NCAM1: variants seen among roughly 807,000 people sequenced by gnomAD.
The protein encoded by NCAM1 is antigen recognized by monoclonal antibody 5.1H11.
Under a neutral mutation model 109.8 loss-of-function variants are expected in NCAM1, and 14 were observed. The ratio of observed to expected loss-of-function variants is 0.13; its 90% confidence interval spans 0.08 to 0.20. The LOEUF (loss-of-function observed/expected upper bound fraction) is 0.20, where lower values mean the gene tolerates loss of function less well. NCAM1 is among the 10% of genes least tolerant of loss of function. The pLI, the probability that NCAM1 is intolerant of heterozygous loss-of-function variation, is 1.00. For missense variants in NCAM1, 774 were observed against 1,109.9 expected (o/e 0.70, Z 4.30); for synonymous variants, 418 against 442.9 (o/e 0.94, Z 0.70).
intron 15 of NCAM1, among the ~76,000 whole-genome samples, chr11:113,252,154 C>G (rs571060863): frequency 5.3e-5 from 8 of 152,310 alleles, no homozygotes; most frequent in South Asian, 4.1e-4. Context: ...GGGCTCACAC[C>G]TGTAATCCCA....
chr11:113,204,525 C>T (rs782220654), intron 3 of NCAM1, 21 bp downstream of exon 3: 18 of 1,609,190 alleles, frequency 1.1e-5, no homozygotes, highest in African/African-American at 2.7e-5. Context: ...CCTTCTTCTT[C>T]TGCATTCTCT....
In NCAM1 at chr11:112,961,431, G is replaced by C. The variant is rs1459042324; in HGVS notation, c.-182G>C. On this transcript the variant is annotated 5_prime_UTR_variant, in exon 1 of 20. Transcript: ENST00000316851. ...AGGCTGGGACTGTCACTCATTCTCCGATCAGCGCGTGAACGCAGCTCGGCT... is the reference window on the plus strand; with the variant it reads ...AGGCTGGGACTGTCACTCATTCTCCCATCAGCGCGTGAACGCAGCTCGGCT... 1.3e-6 allele frequency: 1 copy of C among 762,342 alleles called. No individual in the cohort carries two copies. Among genetic ancestry groups the C allele is most frequent in the African/African-American group, 1.7e-5 (1 of 58,824 alleles). The allele number at this position is 762,342 out of a possible 1,614,324, so 47.2% of individuals were successfully genotyped here. A position where few individuals can be genotyped will look rare whatever the true frequency, so the allele number is the denominator to read the frequency against.
At chr11:113,117,520 G>A (rs986330640) in intron 1 of NCAM1, among the ~76,000 whole-genome samples, 1 of 151,910 alleles carries the variant, frequency 6.6e-6, no homozygotes, top group African/African-American at 2.4e-5. Context: ...TGGCGTTTTT[G>A]CTTTAAACCT....
chr11:113,172,832 TCTGA>T (rs1565478624), intron 1 of NCAM1, among the ~76,000 whole-genome samples: 1 of 152,190 alleles, frequency 6.6e-6, no homozygotes, highest in Non-Finnish European at 1.5e-5. Context: ...CTTTTACAAG[TCTGA>T]CTGTTATAAA....
chr11:113,228,328 T>C (rs1591438151), intron 9 of NCAM1, among the ~76,000 whole-genome samples: 1 of 152,296 alleles, frequency 6.6e-6, no homozygotes, highest in East Asian at 1.9e-4. Flanking sequence ...GAACTCCCAT[T>C]CACAATTGCT....
Position 113,198,263 on chromosome 11 carries a change from G to A in NCAM1, c.53-4116G>A, listed in dbSNP as rs73570780. Among the ~76,000 whole-genome samples the A allele has an allele frequency of 7.0e-3, 1,065 of 152,124 alleles. 12 individuals are homozygous for A. Among genetic ancestry groups the A allele is most frequent in the African/African-American group, 0.024 (997 of 41,470 alleles). ...ATTATCATCACTTATGGCTCTGAGC[G>A]TCCCTTACCCATATGTAAAATAGAG... On this transcript the variant is annotated intron_variant, in intron 1 of 19. Transcript: ENST00000316851.
intron 15 of NCAM1, among the ~76,000 whole-genome samples, chr11:113,247,621 C>T (rs1945539325): frequency 6.6e-6 from 1 of 152,166 alleles, no homozygotes; most frequent in Admixed American, 6.5e-5. Context: ...CAGCCAGACT[C>T]CTGGACTTGC....
intron 1 of NCAM1, among the ~76,000 whole-genome samples, chr11:113,194,683 G>A (rs1018567454): frequency 1.3e-5 from 2 of 152,118 alleles, no homozygotes; most frequent in Non-Finnish European, 2.9e-5. Flanking sequence ...TCCGCCTTTT[G>A]TCTCAAATTC....
chr11:113,205,919 C>A (rs1944222780), intron 4 of NCAM1, 124 bp from the exon 5 acceptor site: 2 of 1,262,110 alleles, frequency 1.6e-6, no homozygotes, highest in African/African-American at 3.0e-5. Flanking sequence ...GACGCATTTT[C>A]TTATTTGGGC....
At chr11:113,204,143 C>T in intron 2 of NCAM1, 143 bp from the exon 3 acceptor site, 3 of 653,156 alleles carry the variant, frequency 4.6e-6, no homozygotes, top group Non-Finnish European at 7.9e-6. Context: ...GTCATTCCAG[C>T]AGCCATACTC....
At chr11:113,042,358 G>A (rs924981944) in intron 1 of NCAM1, among the ~76,000 whole-genome samples, 2 of 152,074 alleles carry the variant, frequency 1.3e-5, no homozygotes, top group Admixed American at 6.5e-5. Flanking sequence ...TCTCAACCTC[G>A]GCCTCAGGCC....
chr11:112,973,513 G>A (rs782164897), intron 1 of NCAM1, among the ~76,000 whole-genome samples: 16 of 152,078 alleles, frequency 1.1e-4, no homozygotes, highest in Non-Finnish European at 1.9e-4. Flanking sequence ...TGCACAGGGT[G>A]CCCCATGGAC....
intron 1 of NCAM1, among the ~76,000 whole-genome samples, chr11:113,155,537 A>G (rs1555103327): frequency 6.6e-6 from 1 of 151,900 alleles, no homozygotes; most frequent in Non-Finnish European, 1.5e-5. Context: ...CAAAAAACAA[A>G]AAAAATAGTC....
intron 1 of NCAM1, among the ~76,000 whole-genome samples, chr11:112,983,449 A>G (rs1951208936): frequency 6.6e-6 from 1 of 151,862 alleles, no homozygotes; most frequent in Non-Finnish European, 1.5e-5. Flanking sequence ...AAGAGGGTGA[A>G]TTCTTCTCCC....
In NCAM1 at chr11:113,260,277, G is replaced by A. The variant is rs782403931; in HGVS notation, c.2085G>A (p.Ala695=). The A allele has an allele frequency of 1.1e-5, 17 of 1,613,800 alleles. No homozygotes were observed. Among genetic ancestry groups the A allele is most frequent in the Admixed American group, 5.0e-5 (3 of 60,004 alleles). The change falls in exon 17 of 20, where the codon GCG becomes GCA. Residue 695 remains alanine (A), a synonymous_variant. Coordinates refer to ENST00000316851, the MANE Select transcript of NCAM1 (RefSeq NM_181351.5). ...VAENQQGKSK[A]AHFVFRTSAQ... ...AGAACCAGCAAGGAAAATCCAAGGC[G>A]GCTCATTTTGTGTTCAGGACCTCGG...
chr11:113,026,352 G>T (rs914533006), intron 1 of NCAM1, among the ~76,000 whole-genome samples: 4 of 152,058 alleles, frequency 2.6e-5, no homozygotes, highest in Non-Finnish European at 5.9e-5. Context: ...GATTTTCACC[G>T]GCTACTTTGC....
chr11:113,157,182 A>G (rs1555103577), intron 1 of NCAM1, among the ~76,000 whole-genome samples: 1 of 149,538 alleles, frequency 6.7e-6, no homozygotes, highest in African/African-American at 2.5e-5. Flanking sequence ...GAACCCTGGC[A>G]TGTTCTGCTT....
intron 1 of NCAM1, among the ~76,000 whole-genome samples, chr11:112,986,010 C>A (rs1356359462): frequency 6.6e-6 from 1 of 151,896 alleles, no homozygotes; most frequent in Admixed American, 6.6e-5. Context: ...GAATATCTTT[C>A]AACTTTTTAA....
intron 1 of NCAM1, among the ~76,000 whole-genome samples, chr11:113,004,191 A>G (rs576897096): frequency 6.6e-6 from 1 of 152,282 alleles, no homozygotes; most frequent in African/African-American, 2.4e-5. Flanking sequence ...ACACATATAT[A>G]CACTTAAAAA....
Sources: gnomAD v4.1 joint callset for allele counts (sites outside exome capture counted in the v4.1 genomes callset) on GRCh38, gnomAD v4.1.1 for gene constraint, MANE v1.5 for transcripts, NCBI Gene and HGNC (gene_info 2026-07-23, HGNC 2026-07-21) for gene names.